ABHD17C: variants seen among roughly 807,000 people sequenced by gnomAD.
The protein encoded by ABHD17C is abhydrolase domain containing 17C, depalmitoylase.
A neutral mutation model predicts 27.9 loss-of-function variants in ABHD17C; 11 were observed. The observed-to-expected ratio is 0.39, with a 90% CI of 0.25 to 0.65. The LOEUF is 0.65. Ranked by LOEUF, ABHD17C falls within the 30% of genes least tolerant of loss-of-function variation. The probability of loss-of-function intolerance (pLI) is 0.45; values close to 1 mark genes in which losing one functional copy is unlikely to be tolerated. For missense variants in ABHD17C, 280 were observed against 470.2 expected (o/e 0.60, Z 3.74); for synonymous variants, 233 against 209.1 (o/e 1.11, Z -0.98).
In ABHD17C at chr15:80,695,677, G is replaced by C; in HGVS notation, c.248G>C (p.Gly83Ala). 2.0e-6 allele frequency: 3 copies of C among 1,469,268 alleles called. No individual in the cohort carries two copies. Among genetic ancestry groups the C allele is most frequent in the Non-Finnish European group, 2.7e-6 (3 of 1,119,212 alleles). The allele number at this position is 1,469,268 out of a possible 1,614,324, so 91.0% of individuals were successfully genotyped here. A position where few individuals can be genotyped will look rare whatever the true frequency, so the allele number is the denominator to read the frequency against. The change falls in exon 1 of 3, where the codon GGG (glycine) becomes GCG (alanine). Residue 83 changes from glycine (G) to alanine (A), a missense_variant. By Grantham distance (60) the Gly-to-Ala change is moderately conservative (BLOSUM62 0). This residue lies in a region of ABHD17C where 206 missense variants were observed against 394.7 expected (regional missense o/e 0.52). Transcript: ENST00000258884. This position sits in a 1 kb window ranked among gnomAD's most constrained non-coding sequence, Gnocchi z 4.3. ...PQQPEEGAGAGPGACSLHLSE... is the reference protein window; with the variant it reads ...PQQPEEGAGAAPGACSLHLSE... ...CAGCCCGAGGAGGGCGCGGGCGCGG[G>C]GCCCGGTGCGTGCAGCCTGCACCTC... is the stretch of plus-strand genomic sequence containing the variant.
intron 1 of ABHD17C, among the ~76,000 whole-genome samples, chr15:80,700,436 G>C (rs1894555988): frequency 6.6e-6 from 1 of 152,178 alleles, no homozygotes; most frequent in Non-Finnish European, 1.5e-5. Context: ...GGTGACAAAA[G>C]CTGTGGAGGA....
At chr15:80,751,675 CT>C (rs1299753822) in intron 2 of ABHD17C, among the ~76,000 whole-genome samples, 1 of 152,192 alleles carries the variant, frequency 6.6e-6, no homozygotes, top group Non-Finnish European at 1.5e-5. Flanking sequence ...TTAAGCCCAG[CT>C]TTATCTCTTT....
rs1318481958 is a variant in ABHD17C, at chr15:80,723,136, ATATGTGTGTG to A, written c.591-26375_591-26366del. Among the ~76,000 whole-genome samples the A allele has an allele frequency of 4.0e-3, 370 of 92,508 alleles. 7 individuals carry two copies. In the South Asian group the frequency reaches 0.089, roughly 22 times the overall value. The allele number at this position is 92,508 out of a possible 152,430, so 60.7% of individuals were successfully genotyped here. A position where few individuals can be genotyped will look rare whatever the true frequency, so the allele number is the denominator to read the frequency against. On this transcript the variant is annotated intron_variant, in intron 1 of 2. Coordinates refer to ENST00000258884, the MANE Select transcript of ABHD17C (RefSeq NM_021214.2). ...TATTCCATTGTTTGTGTGTGTGTATATATGTGTGTGTGTGTGTGTGTGTGTGTGTGTATCA... is the reference window on the plus strand; with the variant it reads ...TATTCCATTGTTTGTGTGTGTGTATATGTGTGTGTGTGTGTGTGTGTATCA...
At chr15:80,720,227 C>T (rs865912513) in intron 1 of ABHD17C, among the ~76,000 whole-genome samples, 4 of 151,904 alleles carry the variant, frequency 2.6e-5, no homozygotes, top group Non-Finnish European at 2.9e-5. Context: ...TTCACTTTCT[C>T]CCAATTTAAT....
chr15:80,744,676 C>CT (rs34940970), intron 1 of ABHD17C, among the ~76,000 whole-genome samples: 2 of 152,160 alleles, frequency 1.3e-5, no homozygotes, highest in Non-Finnish European at 2.9e-5. Context: ...TACTGCTTCC[C>CT]TTTTTTCCCA....
intron 1 of ABHD17C, among the ~76,000 whole-genome samples, chr15:80,747,200 G>GCT (rs1486284427): frequency 6.6e-6 from 1 of 152,032 alleles, no homozygotes; most frequent in Admixed American, 6.6e-5. Context: ...GAAATTGGAG[G>GCT]CTCTCTCTCT....
intron 2 of ABHD17C, among the ~76,000 whole-genome samples, chr15:80,753,737 C>A (rs751350936): frequency 1.8e-4 from 28 of 152,072 alleles, no homozygotes; most frequent in Non-Finnish European, 1.9e-4. Flanking sequence ...ATCTTTACAC[C>A]TTTCCTGCAA....
At chr15:80,702,436 A>G (rs1428605236) in intron 1 of ABHD17C, among the ~76,000 whole-genome samples, 1 of 152,164 alleles carries the variant, frequency 6.6e-6, no homozygotes, top group Non-Finnish European at 1.5e-5. Flanking sequence ...GTCTCCAAAA[A>G]CCAAAATCAA....
intron 1 of ABHD17C, among the ~76,000 whole-genome samples, chr15:80,718,534 A>G (rs1238922294): frequency 1.3e-5 from 2 of 152,092 alleles, no homozygotes; most frequent in Non-Finnish European, 2.9e-5. Flanking sequence ...AGGTTTCACC[A>G]TGTTGGCCAG....
At chr15:80,716,629 C>T (rs963788015) in intron 1 of ABHD17C, among the ~76,000 whole-genome samples, 2 of 152,132 alleles carry the variant, frequency 1.3e-5, no homozygotes, top group African/African-American at 2.4e-5. Flanking sequence ...TTCCACTTTA[C>T]ATCCCATCAG....
intron 1 of ABHD17C, among the ~76,000 whole-genome samples, chr15:80,737,170 A>G (rs1895142676): frequency 6.6e-6 from 1 of 152,224 alleles, no homozygotes; most frequent in Non-Finnish European, 1.5e-5. Flanking sequence ...TACTGCACAC[A>G]TCGCACTGCC....
chr15:80,709,567 C>G (rs182511928), intron 1 of ABHD17C, among the ~76,000 whole-genome samples: 51 of 152,122 alleles, frequency 3.4e-4, no homozygotes, highest in Admixed American at 2.0e-3. Context: ...TAGTTGCATA[C>G]TCCTCGAAGA....
chr15:80,725,003 T>C (rs12903231), intron 1 of ABHD17C, among the ~76,000 whole-genome samples: 14,019 of 152,224 alleles, frequency 0.092, 822 homozygotes, highest in East Asian at 0.16. Flanking sequence ...ACCACTGTTG[T>C]TATGTTTTTA....
At chr15:80,746,458 A>G (rs772171282) in intron 1 of ABHD17C, among the ~76,000 whole-genome samples, 44 of 150,226 alleles carry the variant, frequency 2.9e-4, no homozygotes, top group South Asian at 4.2e-4. Context: ...CTTTATGACT[A>G]GTGCTTTTTT....
At chr15:80,735,731 C>T (rs966880746) in intron 1 of ABHD17C, among the ~76,000 whole-genome samples, 4 of 152,270 alleles carry the variant, frequency 2.6e-5, no homozygotes, top group African/African-American at 4.8e-5. Flanking sequence ...AAGCTTTTTC[C>T]GACTTTCAGG....
At chr15:80,725,785 C>T (rs982868729) in intron 1 of ABHD17C, among the ~76,000 whole-genome samples, 3 of 151,854 alleles carry the variant, frequency 2.0e-5, no homozygotes, top group African/African-American at 7.3e-5. Flanking sequence ...TCTGGGATTA[C>T]AGGTGTGAAC....
intron 1 of ABHD17C, among the ~76,000 whole-genome samples, chr15:80,746,871 G>A (rs900589719): frequency 6.6e-6 from 1 of 152,086 alleles, no homozygotes; most frequent in African/African-American, 2.4e-5. Context: ...TGTTGGACTC[G>A]TCATAAGAAG....
At chr15:80,729,997 T>G (rs542093211) in intron 1 of ABHD17C, among the ~76,000 whole-genome samples, 53 of 152,134 alleles carry the variant, frequency 3.5e-4, no homozygotes, top group African/African-American at 1.2e-3. Flanking sequence ...TGCGTGCCTA[T>G]AATCCCAGCC....
At chr15:80,722,561 T>C (rs1251893856) in intron 1 of ABHD17C, among the ~76,000 whole-genome samples, 1 of 151,980 alleles carries the variant, frequency 6.6e-6, no homozygotes, top group Non-Finnish European at 1.5e-5. Context: ...TTTTTTTTCC[T>C]TTTGTGGTAA....
Sources: gnomAD v4.1 joint callset for allele counts (sites outside exome capture counted in the v4.1 genomes callset) on GRCh38, gnomAD v4.1.1 for gene constraint, gnomAD v4.1.1 regional missense constraint, Gnocchi (gnomAD v3.1) non-coding constraint, MANE v1.5 for transcripts, NCBI Gene and HGNC (gene_info 2026-07-23, HGNC 2026-07-21) for gene names.